Variants in HECW1 observed in about 807,000 individuals in gnomAD.
The protein encoded by HECW1 is HECT, C2 and WW domain containing E3 ubiquitin protein ligase 1, also known as E3 ubiquitin-protein ligase HECW1.
In HECW1, 61 loss-of-function variants were observed where a neutral mutation model predicts 182.3. That is an observed-to-expected ratio of 0.33 (90% confidence interval 0.27 to 0.41). The LOEUF (loss-of-function observed/expected upper bound fraction) is 0.41, where lower values mean the gene tolerates loss of function less well. Ranked by LOEUF, HECW1 falls within the 10% of genes least tolerant of loss-of-function variation. The pLI, the probability that HECW1 is intolerant of heterozygous loss-of-function variation, is 1.00. For synonymous variants in HECW1, 859 were observed against 832.6 expected, an observed-to-expected ratio of 1.03 and a Z score of -0.55; for missense variants, 1,739 against 2,108.9, an observed-to-expected ratio of 0.82 and a Z score of 3.44.
chr7:43,182,726 G>T (rs1792989108), intron 2 of HECW1, among the ~76,000 whole-genome samples: 1 of 152,092 alleles, frequency 6.6e-6, no homozygotes, highest in Non-Finnish European at 1.5e-5. Flanking sequence ...GATAGGGAGG[G>T]TATTCAATCT....
chr7:43,543,842 T>G (rs1354065231), intron 26 of HECW1, among the ~76,000 whole-genome samples: 2 of 151,530 alleles, frequency 1.3e-5, no homozygotes, highest in Admixed American at 1.3e-4. Context: ...TGCCATGTAC[T>G]CACTGAACAG....
chr7:43,303,153 G>A lies in HECW1; in HGVS notation c.28-8610G>A, dbSNP rs1041127967. On this transcript the variant is annotated intron_variant, in intron 3 of 29. Coordinates refer to ENST00000395891, the MANE Select transcript of HECW1 (RefSeq NM_015052.5). ...AAACCACCCAGATTTCAGCAACTTC[G>A]CTGCTGAACGCCTCCAAACATAAAC... is the stretch of plus-strand genomic sequence containing the variant. Among the ~76,000 whole-genome samples, 4 of 152,074 alleles carry A rather than the reference G, an allele frequency of 2.6e-5. No homozygotes were observed. The East Asian group carries it at 5.8e-4, about 22-fold the overall frequency.
intron 3 of HECW1, among the ~76,000 whole-genome samples, chr7:43,301,652 C>T (rs1419372671): frequency 1.3e-5 from 2 of 152,080 alleles, no homozygotes. Context: ...CAAGGTGGAT[C>T]ACTTGAGGTC....
chr7:43,527,922 A>T (rs1398389217), intron 24 of HECW1, among the ~76,000 whole-genome samples: 1 of 152,338 alleles, frequency 6.6e-6, no homozygotes, highest in East Asian at 1.9e-4. Flanking sequence ...CAAATTCACA[A>T]AAAAGTCAAC....
At chr7:43,485,713 A>G (rs892098797) in intron 17 of HECW1, among the ~76,000 whole-genome samples, 5 of 152,214 alleles carry the variant, frequency 3.3e-5, no homozygotes, top group Non-Finnish European at 7.3e-5. Flanking sequence ...TTTAAAAAAT[A>G]GTACACCTGT....
intron 26 of HECW1, among the ~76,000 whole-genome samples, chr7:43,544,774 G>A (rs1184310218): frequency 1.3e-5 from 2 of 152,014 alleles, no homozygotes; most frequent in Non-Finnish European, 2.9e-5. Flanking sequence ...AATCATGTGG[G>A]GTTATTAAAA....
intron 1 of HECW1, chr7:43,113,864 T>A (rs1188361462): frequency 4.3e-6 from 1 of 234,586 alleles, no homozygotes; most frequent in African/African-American, 2.2e-5. Flanking sequence ...AGAGCCATGA[T>A]GCGCGGTGTC....
chr7:43,427,361 AGT>A (rs1399788604), intron 8 of HECW1, among the ~76,000 whole-genome samples: 3 of 152,222 alleles, frequency 2.0e-5, no homozygotes, highest in Admixed American at 6.5e-5. Flanking sequence ...GACATCTAAC[AGT>A]AAAATTTCTT....
At chr7:43,222,543 G>T (rs920188625) in intron 2 of HECW1, among the ~76,000 whole-genome samples, 1 of 152,152 alleles carries the variant, frequency 6.6e-6, no homozygotes, top group East Asian at 1.9e-4. Flanking sequence ...TCTTTCTGGG[G>T]TGAGATCTTT....
chr7:43,127,514 A>C (rs1786393428), intron 2 of HECW1, among the ~76,000 whole-genome samples: 1 of 129,954 alleles, frequency 7.7e-6, no homozygotes, highest in African/African-American at 2.9e-5. Context: ...CAAGAGTGAA[A>C]CTCCATCTCA....
chr7:43,199,178 C>T (rs1794812106), intron 2 of HECW1, among the ~76,000 whole-genome samples: 1 of 152,240 alleles, frequency 6.6e-6, no homozygotes, highest in African/African-American at 2.4e-5. Context: ...TTCTGCACGC[C>T]TGGTCTCTTA....
At chr7:43,332,943 G>A (rs1811681913) in intron 5 of HECW1, among the ~76,000 whole-genome samples, 1 of 152,156 alleles carries the variant, frequency 6.6e-6, no homozygotes, top group Non-Finnish European at 1.5e-5. Context: ...CGGTCCCATA[G>A]TCACAGGTAA....
chr7:43,422,957 C>T (rs1383732919), intron 8 of HECW1, among the ~76,000 whole-genome samples: 1 of 152,044 alleles, frequency 6.6e-6, no homozygotes, highest in Non-Finnish European at 1.5e-5. Context: ...GATTTAAGCA[C>T]AATTGCTAAG....
chr7:43,182,997 A>G (rs1057210604), intron 2 of HECW1, among the ~76,000 whole-genome samples: 1 of 152,210 alleles, frequency 6.6e-6, no homozygotes, highest in Non-Finnish European at 1.5e-5. Context: ...CTATTAGCAC[A>G]TAGAAGTACT....
In HECW1 at chr7:43,200,785, G is replaced by A. The variant is rs371504021; in HGVS notation, c.-31-43090G>A. 5.3e-5 allele frequency among the ~76,000 whole-genome samples: 8 copies of A among 152,182 alleles called. No homozygotes were observed. The East Asian group carries it at 7.7e-4, about 15-fold the overall frequency. Reference sequence around the variant, plus strand: ...ACCACTTCTGCCTCCCTGTTGGATAGTAAGTCTTATTATCAAACATAGCAA... The same window carrying A: ...ACCACTTCTGCCTCCCTGTTGGATAATAAGTCTTATTATCAAACATAGCAA... On this transcript the variant is annotated intron_variant, in intron 2 of 29. Coordinates refer to ENST00000395891, the MANE Select transcript of HECW1 (RefSeq NM_015052.5).
At chr7:43,159,971 G>A (rs1790362084) in intron 2 of HECW1, among the ~76,000 whole-genome samples, 1 of 152,090 alleles carries the variant, frequency 6.6e-6, no homozygotes, top group Admixed American at 6.5e-5. Flanking sequence ...GAGCCACCGC[G>A]CCCAGCTGTA....
At position 43,164,542 on chromosome 7, in the gene HECW1, C is replaced by G. The variant is rs141272180; in HGVS notation, c.-32+50151C>G. ...CCAGACTCCCCTCAGTGCACCCCTC[C>G]TGTGCTCCCCATGGGAAGACACACC... On this transcript the variant is annotated intron_variant, in intron 2 of 29. Coordinates refer to ENST00000395891, the MANE Select transcript of HECW1 (RefSeq NM_015052.5). Among the ~76,000 whole-genome samples, 327 of 152,328 alleles carry G rather than the reference C, an allele frequency of 2.1e-3. 3 individuals are homozygous for G. Among genetic ancestry groups the G allele is most frequent in the African/African-American group, 7.5e-3 (311 of 41,570 alleles).
intron 2 of HECW1, among the ~76,000 whole-genome samples, chr7:43,185,159 G>T (rs1239501967): frequency 1.3e-5 from 2 of 152,082 alleles, no homozygotes; most frequent in East Asian, 3.9e-4. Flanking sequence ...ATGGTGGGGG[G>T]GAAGGGGCTG....
At chr7:43,514,065 G>A (rs2080012568) in intron 24 of HECW1, among the ~76,000 whole-genome samples, 1 of 152,272 alleles carries the variant, frequency 6.6e-6, no homozygotes, top group East Asian at 1.9e-4. Flanking sequence ...AGGCTCTCCA[G>A]ATACTGCAAC....
Sources: gnomAD v4.1 joint callset for allele counts (sites outside exome capture counted in the v4.1 genomes callset) on GRCh38, gnomAD v4.1.1 for gene constraint, MANE v1.5 for transcripts, NCBI Gene and HGNC (gene_info 2026-07-23, HGNC 2026-07-21) for gene names.